Variants in TNS1 observed in about 807,000 individuals in gnomAD.
TNS1 encodes the protein tensin 1.
In TNS1, 62 loss-of-function variants were observed where a neutral mutation model predicts 168.6. The observed-to-expected ratio is 0.37, with a 90% CI of 0.30 to 0.45. The LOEUF (loss-of-function observed/expected upper bound fraction) is 0.45. Ranked by LOEUF, TNS1 falls within the 20% of genes least tolerant of loss-of-function variation. The pLI, the probability that TNS1 is intolerant of heterozygous loss-of-function variation, is 1.00. For missense variants in TNS1, 2,240 were observed against 2,339.4 expected, an observed-to-expected ratio of 0.96 and a Z score of 0.88; for synonymous variants, 934 against 933.2, an observed-to-expected ratio of 1.00 and a Z score of -0.02.
intron 3 of TNS1, among the ~76,000 whole-genome samples, chr2:217,942,443 ACTCC>A (rs1956960190): frequency 6.6e-6 from 1 of 151,062 alleles, no homozygotes; most frequent in Non-Finnish European, 1.5e-5. Context: ...ATCCTCCCTC[ACTCC>A]CTTCCACAAC....
At chr2:217,853,142 G>A (rs188983904) in intron 18 of TNS1, among the ~76,000 whole-genome samples, 47 of 152,180 alleles carry the variant, frequency 3.1e-4, no homozygotes, top group Non-Finnish European at 5.7e-4. Flanking sequence ...GCTTTTTACC[G>A]GGACCACAAG....
At position 217,980,518 on chromosome 2, in the gene TNS1, G is replaced by C. The variant is rs1008325485; in HGVS notation, c.149-1716C>G. Among the ~76,000 whole-genome samples, 216 of 140,288 alleles carry C rather than the reference G, an allele frequency of 1.5e-3. 1 individual carries two copies. The highest frequency in any genetic ancestry group is 2.7e-3 in the Non-Finnish European group (177 of 66,500). 92.0% of individuals were successfully genotyped at this position (140,288 alleles called of 152,430 possible). Reference sequence around the variant, plus strand: ...TCCTACACACACACAGAGAGAGAGAGAGAGAGAGAGAGAGAGAGAGAGAGA... The same window carrying C: ...TCCTACACACACACAGAGAGAGAGACAGAGAGAGAGAGAGAGAGAGAGAGA... On this transcript the variant is annotated intron_variant, in intron 2 of 32. Transcript: ENST00000682258.
chr2:218,014,891 G>GGAAT (rs1958742383), upstream of TNS1, among the ~76,000 whole-genome samples: 2 of 149,920 alleles, frequency 1.3e-5, no homozygotes, highest in African/African-American at 5.0e-5. Flanking sequence ...AAGGAAGGAA[G>GGAAT]GAAGGAAGGA....
chr2:217,849,194 G>T, intron 18 of TNS1, 107 bp from the exon 19 acceptor site: 1 of 1,375,964 alleles, frequency 7.3e-7, no homozygotes, highest in Non-Finnish European at 9.8e-7. Context: ...CCCATGCCCT[G>T]CATCCTAAAA....
intron 3 of TNS1, among the ~76,000 whole-genome samples, chr2:217,936,597 G>A (rs1165671925): frequency 3.3e-5 from 5 of 152,082 alleles, no homozygotes; most frequent in Admixed American, 2.6e-4. Context: ...GGACTCCCCT[G>A]CCCAGTACAG....
intron 8 of TNS1, among the ~76,000 whole-genome samples, chr2:217,896,914 T>C (rs890914213): frequency 2.0e-5 from 3 of 152,248 alleles, no homozygotes; most frequent in Admixed American, 1.3e-4. Flanking sequence ...ATAGTTGTTC[T>C]GCTGTATTGT....
chr2:217,923,227 C>T (rs1427790992), intron 3 of TNS1, among the ~76,000 whole-genome samples: 1 of 152,174 alleles, frequency 6.6e-6, no homozygotes, highest in Non-Finnish European at 1.5e-5. Flanking sequence ...TTCCAGGGCT[C>T]AGACCCAGAA....
At chr2:218,002,230 G>T (rs935689031) in intron 1 of TNS1, among the ~76,000 whole-genome samples, 1 of 152,170 alleles carries the variant, frequency 6.6e-6, no homozygotes, top group Non-Finnish European at 1.5e-5. Context: ...GAGAGAAAGG[G>T]GGAAGAGCGG....
intron 19 of TNS1, chr2:217,842,000 G>T (rs918951): frequency 0.36 from 249,626 of 694,834 alleles, 47,611 homozygotes; most frequent in African/African-American, 0.59. Context: ...AGGGGCCACA[G>T]GAGTGGCCAA....
intron 5 of TNS1, 27 bp downstream of exon 5, chr2:217,907,182 TC>T: frequency 1.4e-6 from 1 of 702,368 alleles, no homozygotes; most frequent in Non-Finnish European, 2.6e-6. Flanking sequence ...CTGTTCCAGC[TC>T]CCCCACCACC....
upstream of TNS1, among the ~76,000 whole-genome samples, chr2:218,011,034 C>T (rs77682773): frequency 0.038 from 5,861 of 152,270 alleles, 161 homozygotes; most frequent in South Asian, 0.083. Flanking sequence ...AGAGCCCCCA[C>T]AGGTTGGAAG....
chr2:217,961,936 T>C (rs772584744), intron 3 of TNS1, among the ~76,000 whole-genome samples: 2 of 152,168 alleles, frequency 1.3e-5, no homozygotes, highest in African/African-American at 2.4e-5. Context: ...CTCCAATCAA[T>C]TGAAGGCCAT....
intron 32 of TNS1, among the ~76,000 whole-genome samples, 163 bp from the exon 33 acceptor site, chr2:217,804,766 C>G (rs1938125720): frequency 6.6e-6 from 1 of 152,142 alleles, no homozygotes; most frequent in African/African-American, 2.4e-5. Flanking sequence ...AGAGAATCCT[C>G]TGTGCACTCC....
At chr2:217,966,476 C>T (rs1275436615) in intron 3 of TNS1, among the ~76,000 whole-genome samples, 1 of 152,200 alleles carries the variant, frequency 6.6e-6, no homozygotes, top group Non-Finnish European at 1.5e-5. Flanking sequence ...GCCAGAAGAA[C>T]AGACACCAGG....
At chr2:217,942,499 C>T (rs1956963644) in intron 3 of TNS1, among the ~76,000 whole-genome samples, 1 of 152,182 alleles carries the variant, frequency 6.6e-6, no homozygotes, top group Non-Finnish European at 1.5e-5. Flanking sequence ...CCAGCTATAG[C>T]AAGTACTGAG....
At chr2:217,857,285 C>T (rs1314424185) in intron 18 of TNS1, among the ~76,000 whole-genome samples, 1 of 152,140 alleles carries the variant, frequency 6.6e-6, no homozygotes, top group African/African-American at 2.4e-5. Flanking sequence ...GTTAATCCCC[C>T]TGCCCACCCC....
At chr2:217,847,429 G>A in intron 19 of TNS1, 81 bp downstream of exon 19, 4 of 1,297,888 alleles carry the variant, frequency 3.1e-6, no homozygotes, top group South Asian at 2.8e-5. Context: ...TCTGCTTAGG[G>A]GTCATGGCTG....
intron 18 of TNS1, among the ~76,000 whole-genome samples, chr2:217,878,429 G>C (rs1325274037): frequency 6.6e-6 from 1 of 152,196 alleles, no homozygotes; most frequent in African/African-American, 2.4e-5. Context: ...CTCTTGACTG[G>C]CTTGGCAAGC....
rs1294046478 is a variant in TNS1, at chr2:217,995,521, TC to T, written c.34-4466del. On this transcript the variant is annotated intron_variant, in intron 1 of 32. Coordinates refer to ENST00000682258, the MANE Select transcript of TNS1 (RefSeq NM_001387777.1). This position sits in a 1 kb window ranked among gnomAD's most constrained non-coding sequence, Gnocchi z 4.1. ...GGGGTGCCTGGTACCTACCCAGCCC[TC>T]CCCCCGGGTTGTTCTGCAGGTACAG... is the stretch of plus-strand genomic sequence containing the variant. Among the ~76,000 whole-genome samples, 2 of 151,700 alleles carry T rather than the reference TC, an allele frequency of 1.3e-5. No homozygotes were observed. The highest frequency in any genetic ancestry group is 4.8e-5 in the African/African-American group (2 of 41,348).
Sources: allele counts gnomAD v4.1 joint callset (sites outside exome capture counted in the v4.1 genomes callset), GRCh38; gene constraint gnomAD v4.1.1; non-coding constraint Gnocchi (gnomAD v3.1); transcripts MANE v1.5; gene names NCBI Gene and HGNC (gene_info 2026-07-23, HGNC 2026-07-21).